Variants in GFRA2 observed in about 807,000 individuals in gnomAD.
The protein encoded by GFRA2 is GDNF family receptor alpha-2.
In GFRA2, 17 loss-of-function variants were observed where a neutral mutation model predicts 48.3. The ratio of observed to expected loss-of-function variants is 0.35; its 90% confidence interval spans 0.24 to 0.53. GFRA2 has a LOEUF of 0.53. GFRA2 is among the 20% of genes least tolerant of loss of function. The pLI, the probability that GFRA2 is intolerant of heterozygous loss-of-function variation, is 0.93. For synonymous variants in GFRA2, 305 were observed against 257.2 expected (o/e 1.19, Z -1.78); for missense variants, 660 against 637.3 (o/e 1.04, Z -0.38).
upstream of GFRA2, among the ~76,000 whole-genome samples, chr8:21,790,361 G>GT (rs1288954258): frequency 2.0e-5 from 3 of 152,238 alleles, no homozygotes; most frequent in Non-Finnish European, 4.4e-5. Flanking sequence ...TGGGCTGCAC[G>GT]TAACATGAAT....
intron 4 of GFRA2, among the ~76,000 whole-genome samples, chr8:21,733,270 C>T (rs1026961447): frequency 6.6e-6 from 1 of 152,162 alleles, no homozygotes; most frequent in Non-Finnish European, 1.5e-5. Flanking sequence ...GCACCGACCT[C>T]CCCTGCCTTT....
intron 4 of GFRA2, among the ~76,000 whole-genome samples, chr8:21,720,968 G>A (rs953127297): frequency 6.6e-6 from 1 of 151,178 alleles, no homozygotes; most frequent in Non-Finnish European, 1.5e-5. Context: ...AGTTGCCACC[G>A]GATGGAGGGA....
At position 21,693,027 on chromosome 8, in the gene GFRA2, C is replaced by G. The variant is rs575092458; in HGVS notation, c.*251G>C. ...AAGGGCATTTCTAGAGCCTCGTGCC[C>G]TCCCCGGCACCAGAGTTTCCCCTGC... On this transcript the variant is annotated 3_prime_UTR_variant, in exon 9 of 9. Coordinates refer to ENST00000524240, the MANE Select transcript of GFRA2 (RefSeq NM_001495.5). The G allele has an allele frequency of 1.2e-5, 4 of 343,026 alleles. No homozygotes were observed. Among genetic ancestry groups the G allele is most frequent in the Non-Finnish European group, 2.1e-5 (4 of 187,652 alleles). 21.2% of individuals were successfully genotyped at this position (343,026 alleles called of 1,614,324 possible).
intron 2 of GFRA2, among the ~76,000 whole-genome samples, chr8:21,777,789 G>A (rs1197764291): frequency 2.0e-5 from 3 of 152,170 alleles, no homozygotes; most frequent in Non-Finnish European, 4.4e-5. Context: ...GGGGCCCTGG[G>A]ACCCACTCTG....
intron 4 of GFRA2, among the ~76,000 whole-genome samples, chr8:21,730,088 C>T (rs539186791): frequency 1.1e-3 from 161 of 152,102 alleles, no homozygotes; most frequent in Non-Finnish European, 1.9e-3. Context: ...CTCAGTGTTA[C>T]GGCACGAGAA....
intron 4 of GFRA2, among the ~76,000 whole-genome samples, chr8:21,727,540 C>T (rs980657582): frequency 2.0e-5 from 3 of 152,302 alleles, no homozygotes; most frequent in East Asian, 1.9e-4. Context: ...CCATCACGGC[C>T]CCCCCCAGGA....
chr8:21,705,938 T>C lies in GFRA2; in HGVS notation c.898A>G (p.Met300Val), dbSNP rs1802718967. 2 of 1,555,700 alleles carry C rather than the reference T, an allele frequency of 1.3e-6. No homozygotes were observed. The highest frequency in any genetic ancestry group is 1.7e-6 in the Non-Finnish European group (2 of 1,147,446). ...YQACLGSYAG[M>V]IGFDMTPNYV... ...GTGAGCAGGAAGAGCTTACCAATCATGCCAGCATAAGAGCCCAGACACGCC... is the reference window on the plus strand; with the variant it reads ...GTGAGCAGGAAGAGCTTACCAATCACGCCAGCATAAGAGCCCAGACACGCC... The change falls in exon 5 of 9, where the codon ATG (methionine) becomes GTG (valine). Residue 300 changes from methionine (M) to valine (V), a missense_variant. By Grantham distance (21) the Met-to-Val change is conservative. Transcript: ENST00000524240.
At chr8:21,783,004 T>C in intron 1 of GFRA2, 105 bp from the exon 2 acceptor site, 1 of 1,118,268 alleles carries the variant, frequency 8.9e-7, no homozygotes, top group South Asian at 1.3e-5. Flanking sequence ...TCACACCCAT[T>C]TCGCCAAAGC....
At chr8:21,728,390 T>C (rs1009545832) in intron 4 of GFRA2, among the ~76,000 whole-genome samples, 1 of 147,718 alleles carries the variant, frequency 6.8e-6, no homozygotes, top group African/African-American at 2.5e-5. Flanking sequence ...TTCTCCTGCC[T>C]TAGCCTCCCA....
intron 3 of GFRA2, among the ~76,000 whole-genome samples, chr8:21,763,512 C>T (rs888686592): frequency 2.0e-5 from 3 of 152,096 alleles, no homozygotes; most frequent in Non-Finnish European, 4.4e-5. Flanking sequence ...TCAACAGGGG[C>T]GGTCTGTCTG....
intron 4 of GFRA2, among the ~76,000 whole-genome samples, chr8:21,713,948 G>A (rs73669523): frequency 0.018 from 2,803 of 152,170 alleles, 76 homozygotes; most frequent in East Asian, 0.073. Context: ...AGTGCTTTGC[G>A]CCACAGCCAG....
intron 4 of GFRA2, among the ~76,000 whole-genome samples, chr8:21,714,003 C>G (rs751210107): frequency 1.3e-5 from 2 of 152,166 alleles, no homozygotes; most frequent in African/African-American, 4.8e-5. Flanking sequence ...TGTTTGTGTA[C>G]AAACACACAC....
chr8:21,770,670 C>T (rs1008628946), intron 3 of GFRA2, among the ~76,000 whole-genome samples: 7 of 152,236 alleles, frequency 4.6e-5, no homozygotes, highest in African/African-American at 1.7e-4. Context: ...GATGCAGACA[C>T]AGTGCCTGAT....
intron 4 of GFRA2, among the ~76,000 whole-genome samples, chr8:21,749,049 C>T (rs77449321): frequency 0.011 from 1,646 of 152,338 alleles, 23 homozygotes; most frequent in African/African-American, 0.037. Flanking sequence ...AGCCCACAGC[C>T]TCATCCCACT....
rs549952048 is a variant in GFRA2 at position 21,776,037 on chromosome 8, G to GTGTGTGTGTGTGTTGTGTGTGTA, written c.356-983_356-982insTACACACACAACACACACACACA. ...TGTGTGTGTGTGTGTGTGTGTGTGTGTGTAGTGAAAAGCAGGGCACAGCCT... is the reference window on the plus strand; with the variant it reads ...TGTGTGTGTGTGTGTGTGTGTGTGTGTGTGTGTGTGTGTTGTGTGTGTATGTAGTGAAAAGCAGGGCACAGCCT... On this transcript the variant is annotated intron_variant, in intron 2 of 8. Transcript: ENST00000524240. 1.4e-5 allele frequency among the ~76,000 whole-genome samples: 2 copies of GTGTGTGTGTGTGTTGTGTGTGTA among 139,790 alleles called. 1 individual carries two copies. The highest frequency in any genetic ancestry group is 5.4e-5 in the African/African-American group (2 of 37,358). The allele number at this position is 139,790 out of a possible 152,430, so 91.7% of individuals were successfully genotyped here. A position where few individuals can be genotyped will look rare whatever the true frequency, so the allele number is the denominator to read the frequency against.
chr8:21,694,330 C>A (rs1313735385), intron 8 of GFRA2, 134 bp downstream of exon 8: 2 of 841,698 alleles, frequency 2.4e-6, no homozygotes, highest in Non-Finnish European at 3.8e-6. Flanking sequence ...TAAGTGCCCA[C>A]CCTGGTCCAG....
rs1324286800 is a variant in GFRA2 at position 21,702,811 on chromosome 8, A to G, written c.1212T>C (p.Ser404=). ...LGTSVITTCT[S]VQEQGLKANN... The stretch of plus-strand genomic sequence containing the variant: ...CTCAGCCACACACCCTCACCTGGAC[A>G]GACGTGCAGGTGGTGATGACACTGG... The change falls in exon 7 of 9, where the codon TCT becomes TCC. Residue 404 remains serine, a synonymous_variant. Coordinates refer to ENST00000524240, the MANE Select transcript of GFRA2 (RefSeq NM_001495.5). 1 of 1,604,400 alleles carries G rather than the reference A, an allele frequency of 6.2e-7. No homozygotes were observed. Among genetic ancestry groups the G allele is most frequent in the Admixed American group, 1.7e-5 (1 of 59,008 alleles).
At chr8:21,759,305 G>T (rs796789683) in intron 3 of GFRA2, among the ~76,000 whole-genome samples, 6 of 151,400 alleles carry the variant, frequency 4.0e-5, no homozygotes, top group African/African-American at 1.5e-4. Context: ...AGAATGGCTT[G>T]AACCCAGGAG....
chr8:21,725,608 G>C (rs1444853860), intron 4 of GFRA2, among the ~76,000 whole-genome samples: 1 of 152,198 alleles, frequency 6.6e-6, no homozygotes, highest in Non-Finnish European at 1.5e-5. Flanking sequence ...ATAGGCATTT[G>C]CTAAGCACTC....
Sources: gnomAD v4.1 joint callset for allele counts (sites outside exome capture counted in the v4.1 genomes callset) on GRCh38, gnomAD v4.1.1 for gene constraint, MANE v1.5 for transcripts, NCBI Gene and HGNC (gene_info 2026-07-23, HGNC 2026-07-21) for gene names.